LRRC4C: variants seen among roughly 807,000 people sequenced by gnomAD.
LRRC4C encodes the protein leucine-rich repeat-containing protein 4C.
In LRRC4C, 5 loss-of-function variants were observed where a neutral mutation model predicts 33.6. The ratio of observed to expected loss-of-function variants is 0.15; its 90% confidence interval spans 0.08 to 0.31. The LOEUF (loss-of-function observed/expected upper bound fraction) is 0.31, where lower values mean the gene tolerates loss of function less well. Ranked by LOEUF, LRRC4C falls within the 10% of genes least tolerant of loss-of-function variation. The probability of loss-of-function intolerance (pLI) is 1.00; values close to 1 mark genes in which losing one functional copy is unlikely to be tolerated. For synonymous variants in LRRC4C, 329 were observed against 302.0 expected (o/e 1.09, Z -0.93); for missense variants, 560 against 796.7 (o/e 0.70, Z 3.58).
At chr11:40,601,258 C>A (rs536671812) in intron 3 of LRRC4C, among the ~76,000 whole-genome samples, 1 of 152,238 alleles carries the variant, frequency 6.6e-6, no homozygotes. Flanking sequence ...TTTTCCATTT[C>A]TCCTGCTGAG....
chr11:40,754,092 G>A (rs1565017628), intron 2 of LRRC4C, among the ~76,000 whole-genome samples: 1 of 151,636 alleles, frequency 6.6e-6, no homozygotes, highest in East Asian at 1.9e-4. Flanking sequence ...TTTTCTTTGG[G>A]TTTCCACATA....
At chr11:40,849,997 C>A (rs971056045) in intron 2 of LRRC4C, among the ~76,000 whole-genome samples, 13 of 151,928 alleles carry the variant, frequency 8.6e-5, no homozygotes, top group Non-Finnish European at 1.5e-4. Flanking sequence ...TTATGTTCTT[C>A]TCTAAACTGG....
chr11:40,359,660 C>G (rs1177698852), intron 3 of LRRC4C, among the ~76,000 whole-genome samples: 1 of 152,128 alleles, frequency 6.6e-6, no homozygotes, highest in East Asian at 1.9e-4. Flanking sequence ...TTTCCTGCTT[C>G]AAAATCTCCT....
At chr11:40,792,515 A>G (rs1950668062) in intron 2 of LRRC4C, among the ~76,000 whole-genome samples, 1 of 152,228 alleles carries the variant, frequency 6.6e-6, no homozygotes, top group African/African-American at 2.4e-5. Context: ...GTGGAGAGAT[A>G]GGAACACTTT....
chr11:40,971,756 G>T (rs1851743388), intron 1 of LRRC4C, among the ~76,000 whole-genome samples: 1 of 152,166 alleles, frequency 6.6e-6, no homozygotes, highest in African/African-American at 2.4e-5. Flanking sequence ...CAGCCATGAA[G>T]TTTAAACCCT....
intron 1 of LRRC4C, among the ~76,000 whole-genome samples, chr11:41,313,920 T>C (rs551263941): frequency 3.3e-5 from 5 of 152,316 alleles, no homozygotes; most frequent in African/African-American, 1.2e-4. Context: ...CAGTATCCAT[T>C]CATCTATTCA....
At chr11:40,423,474 A>C (rs948842832) in intron 3 of LRRC4C, among the ~76,000 whole-genome samples, 15 of 151,022 alleles carry the variant, frequency 9.9e-5, no homozygotes, top group African/African-American at 3.6e-4. Context: ...CCTCCCGAGC[A>C]GCTGGGACTA....
chr11:40,240,399 A>T (rs1184422100), intron 5 of LRRC4C, among the ~76,000 whole-genome samples: 4 of 152,184 alleles, frequency 2.6e-5, no homozygotes, highest in Admixed American at 1.3e-4. Flanking sequence ...GCTTCCGTCT[A>T]TAGTCAACCA....
chr11:40,278,169 A>G (rs1431872299), intron 4 of LRRC4C, among the ~76,000 whole-genome samples: 1 of 152,180 alleles, frequency 6.6e-6, no homozygotes, highest in African/African-American at 2.4e-5. Context: ...GCAAGCAATC[A>G]TGTACTTTGA....
In LRRC4C at chr11:41,098,680, A is replaced by G. The variant is rs574732684; in HGVS notation, c.-495-164957T>C. Among the ~76,000 whole-genome samples, 7 of 152,260 alleles carry G rather than the reference A, an allele frequency of 4.6e-5. No individual in the cohort carries two copies. The East Asian group carries it at 1.4e-3, about 30-fold the overall frequency. The stretch of plus-strand genomic sequence containing the variant: ...TTAATAAAAGACCTTGTATTGGCAT[A>G]AACTGCTTAGGGAAAAACTTATAAA... On this transcript the variant is annotated intron_variant, in intron 1 of 6. Transcript: ENST00000528697.
chr11:41,167,314 C>A (rs975174899), intron 1 of LRRC4C, among the ~76,000 whole-genome samples: 1 of 152,156 alleles, frequency 6.6e-6, no homozygotes, highest in African/African-American at 2.4e-5. Context: ...TTCCTCTGAG[C>A]AGGAGGTGGC....
intron 1 of LRRC4C, among the ~76,000 whole-genome samples, chr11:41,380,357 T>C (rs187666119): frequency 5.3e-5 from 8 of 152,180 alleles, no homozygotes; most frequent in Non-Finnish European, 8.8e-5. Flanking sequence ...ACATGGAAAA[T>C]TTCTCCCTCT....
At chr11:40,139,541 C>T (rs1273357000) in intron 6 of LRRC4C, among the ~76,000 whole-genome samples, 1 of 151,968 alleles carries the variant, frequency 6.6e-6, no homozygotes, top group Non-Finnish European at 1.5e-5. Flanking sequence ...ACATTATTTC[C>T]TTCAGGCGAA....
intron 1 of LRRC4C, among the ~76,000 whole-genome samples, chr11:40,993,696 T>C (rs2137283043): frequency 6.6e-6 from 1 of 152,192 alleles, no homozygotes; most frequent in African/African-American, 2.4e-5. Context: ...ATTGCGAATA[T>C]CAGACAGAAA....
At chr11:41,053,690 A>G (rs993292207) in intron 1 of LRRC4C, among the ~76,000 whole-genome samples, 1 of 152,226 alleles carries the variant, frequency 6.6e-6, no homozygotes, top group Non-Finnish European at 1.5e-5. Flanking sequence ...TCTAGACTGG[A>G]AAGTATTGAG....
chr11:41,108,099 G>C (rs1941619923), intron 1 of LRRC4C, among the ~76,000 whole-genome samples: 1 of 152,008 alleles, frequency 6.6e-6, no homozygotes, highest in Non-Finnish European at 1.5e-5. Flanking sequence ...AACACTTCCT[G>C]ATAAGCACTA....
intron 3 of LRRC4C, among the ~76,000 whole-genome samples, chr11:40,468,745 A>C (rs1952777618): frequency 6.6e-6 from 1 of 152,196 alleles, no homozygotes; most frequent in African/African-American, 2.4e-5. Context: ...TCCCAAACTT[A>C]CAAGTCAAAC....
chr11:41,324,355 G>A (rs758865317), intron 1 of LRRC4C, among the ~76,000 whole-genome samples: 7 of 152,252 alleles, frequency 4.6e-5, no homozygotes, highest in South Asian at 2.1e-4. Context: ...GCTTGAACCC[G>A]GGAGGCAGAA....
chr11:40,114,787 C>A lies in LRRC4C; in HGVS notation c.1506G>T (p.Glu502Asp). The change falls in exon 7 of 7, where the codon GAG (glutamate) becomes GAT (aspartate). Residue 502 changes from glutamate to aspartate, a missense_variant. By Grantham distance (45) the Glu-to-Asp change is conservative. This residue lies in a region of LRRC4C where 455 missense variants were observed against 643.8 expected (regional missense o/e 0.71). Coordinates refer to ENST00000528697, the MANE Select transcript of LRRC4C (RefSeq NM_001258419.2). ...SLTPQSTRST[E>D]KTFTIPVTDI... ...CAGTCACTGGGATGGTGAAGGTTTTCTCTGTCGACCTTGTGCTCTGTGGTG... is the reference window on the plus strand; with the variant it reads ...CAGTCACTGGGATGGTGAAGGTTTTATCTGTCGACCTTGTGCTCTGTGGTG... The A allele has an allele frequency of 6.2e-7, 1 of 1,614,146 alleles. No individual in the cohort carries two copies. Among genetic ancestry groups the A allele is most frequent in the African/African-American group, 1.3e-5 (1 of 75,048 alleles).
Sources: gnomAD v4.1 joint callset for allele counts (sites outside exome capture counted in the v4.1 genomes callset) on GRCh38, gnomAD v4.1.1 for gene constraint, gnomAD v4.1.1 regional missense constraint, MANE v1.5 for transcripts, NCBI Gene and HGNC (gene_info 2026-07-23, HGNC 2026-07-21) for gene names.